The following MEGF9 variants were observed in gnomAD, a reference collection of about 807,000 sequenced individuals.
The protein encoded by MEGF9 is multiple epidermal growth factor-like domains protein 9.
A neutral mutation model predicts 46.8 loss-of-function variants in MEGF9; 6 were observed. That is an observed-to-expected ratio of 0.13 (90% CI 0.07 to 0.25). MEGF9 has a LOEUF of 0.25. Among genes scored for constraint, MEGF9 ranks in the 10% least tolerant of loss-of-function variants. The pLI is 1.00. For missense variants in MEGF9, 683 were observed against 792.4 expected, an observed-to-expected ratio of 0.86 and a Z score of 1.66; for synonymous variants, 302 against 330.7, an observed-to-expected ratio of 0.91 and a Z score of 0.94.
At chr9:120,655,244 C>T (rs1029281944) in intron 2 of MEGF9, among the ~76,000 whole-genome samples, 5 of 152,138 alleles carry the variant, frequency 3.3e-5, no homozygotes, top group African/African-American at 1.2e-4. Flanking sequence ...ATAGTAAGTA[C>T]CCTAGACAGG....
chr9:120,643,993 G>T (rs1157030876), intron 2 of MEGF9, among the ~76,000 whole-genome samples: 2 of 152,194 alleles, frequency 1.3e-5, no homozygotes, highest in East Asian at 3.8e-4. Flanking sequence ...GGGATAAGAG[G>T]TGTGAGGCAC....
At chr9:120,633,384 C>T (rs2043558895) in intron 2 of MEGF9, among the ~76,000 whole-genome samples, 1 of 152,092 alleles carries the variant, frequency 6.6e-6, no homozygotes, top group African/African-American at 2.4e-5. Flanking sequence ...TCTTGGCATA[C>T]AGTTGTTTGT....
chr9:120,605,079 A>C lies in MEGF9; in HGVS notation c.*111T>G. The C allele has an allele frequency of 9.5e-7, 1 of 1,050,326 alleles. No individual in the cohort carries two copies. Among genetic ancestry groups the C allele is most frequent in the Non-Finnish European group, 1.4e-6 (1 of 727,986 alleles). 65.1% of individuals were successfully genotyped at this position (1,050,326 alleles called of 1,614,324 possible). A position where few individuals can be genotyped will look rare whatever the true frequency, so the allele number is the denominator to read the frequency against. Reference sequence around the variant, plus strand: ...ATTTGTACCTGAAAATTTCAGATGCACTATTTGCCTTTGCTTTCTCAGCAA... The same window carrying C: ...ATTTGTACCTGAAAATTTCAGATGCCCTATTTGCCTTTGCTTTCTCAGCAA... On this transcript the variant is annotated 3_prime_UTR_variant, in exon 6 of 6. Transcript: ENST00000373930. This position sits in a 1 kb window ranked among gnomAD's most constrained non-coding sequence, Gnocchi z 4.0.
At chr9:120,633,545 CT>C (rs1263132350) in intron 2 of MEGF9, among the ~76,000 whole-genome samples, 2 of 151,894 alleles carry the variant, frequency 1.3e-5, no homozygotes, top group Non-Finnish European at 2.9e-5. Context: ...TCAAAGCCAA[CT>C]TTTTATTTAG....
intron 1 of MEGF9, among the ~76,000 whole-genome samples, chr9:120,681,742 T>C (rs2043799610): frequency 6.6e-6 from 1 of 152,208 alleles, no homozygotes; most frequent in Non-Finnish European, 1.5e-5. Context: ...TTCTTCAATT[T>C]ATATGGGCTT....
At chr9:120,618,944 C>A (rs10739570) in intron 3 of MEGF9, among the ~76,000 whole-genome samples, 1 of 151,812 alleles carries the variant, frequency 6.6e-6, no homozygotes, top group Non-Finnish European at 1.5e-5. Context: ...AATCTTTCCT[C>A]ATTTACAGGG....
intron 3 of MEGF9, among the ~76,000 whole-genome samples, chr9:120,618,174 CA>C (rs962832039): frequency 6.6e-6 from 1 of 152,090 alleles, no homozygotes; most frequent in Non-Finnish European, 1.5e-5. Flanking sequence ...AAATTAAATC[CA>C]GGGGACTGAA....
chr9:120,682,065 T>A (rs552036520), intron 1 of MEGF9, among the ~76,000 whole-genome samples: 1 of 152,202 alleles, frequency 6.6e-6, no homozygotes, highest in Non-Finnish European at 1.5e-5. Context: ...AAAACACCTA[T>A]GACAGTGGCC....
intron 2 of MEGF9, among the ~76,000 whole-genome samples, chr9:120,644,156 T>G (rs941650396): frequency 4.6e-5 from 7 of 152,248 alleles, no homozygotes; most frequent in Non-Finnish European, 1.0e-4. Context: ...ATCTAGGATA[T>G]TGTCTCGCAT....
At chr9:120,628,682 G>GT (rs769220031) in intron 2 of MEGF9, among the ~76,000 whole-genome samples, 1 of 151,740 alleles carries the variant, frequency 6.6e-6, no homozygotes, top group African/African-American at 2.4e-5. Flanking sequence ...CTTTTATAAT[G>GT]GACAGTGAGC....
chr9:120,612,906 T>C (rs929079377), intron 3 of MEGF9, among the ~76,000 whole-genome samples: 9 of 147,734 alleles, frequency 6.1e-5, no homozygotes, highest in African/African-American at 2.0e-4. Context: ...TAATCATACA[T>C]GCATGAACAT....
At chr9:120,669,034 T>C (rs1474927908) in intron 1 of MEGF9, among the ~76,000 whole-genome samples, 2 of 152,204 alleles carry the variant, frequency 1.3e-5, no homozygotes, top group Non-Finnish European at 2.9e-5. Flanking sequence ...GTACAAAATG[T>C]GGCTAATTCT....
chr9:120,609,529 T>C (rs550358754), intron 4 of MEGF9, among the ~76,000 whole-genome samples: 3 of 152,336 alleles, frequency 2.0e-5, no homozygotes, highest in Admixed American at 2.0e-4. Context: ...CGCCAATGTT[T>C]AGCACAGTGC....
In MEGF9 at chr9:120,674,493, T is replaced by C. The variant is rs189980784; in HGVS notation, c.602-14918A>G. On this transcript the variant is annotated intron_variant, in intron 1 of 5. Transcript: ENST00000373930. ...AAACTGTCAATACCAAATACCACAA[T>C]GCTGAGGAAGTAGAACTCTAGTACA... Among the ~76,000 whole-genome samples the C allele has an allele frequency of 5.3e-5, 8 of 152,160 alleles. No individual in the cohort carries two copies. The East Asian group carries it at 1.5e-3, about 29-fold the overall frequency.
chr9:120,704,879 G>A (rs1044573828), intron 1 of MEGF9, among the ~76,000 whole-genome samples: 3 of 152,086 alleles, frequency 2.0e-5, no homozygotes, highest in East Asian at 1.9e-4. Context: ...GTTTCTTAAC[G>A]AAATTAATTA....
intron 2 of MEGF9, among the ~76,000 whole-genome samples, chr9:120,635,518 T>TC (rs960405122): frequency 2.2e-4 from 33 of 152,228 alleles, no homozygotes; most frequent in Admixed American, 7.8e-4. Context: ...TATTTCTCTC[T>TC]CTTTTTTTTT....
chr9:120,678,078 T>C (rs2043781420), intron 1 of MEGF9, among the ~76,000 whole-genome samples: 1 of 152,206 alleles, frequency 6.6e-6, no homozygotes, highest in Non-Finnish European at 1.5e-5. Context: ...TAATTACCTC[T>C]AGTTGTTGTT....
intron 1 of MEGF9, among the ~76,000 whole-genome samples, chr9:120,711,287 A>G (rs2043951734): frequency 6.6e-6 from 1 of 152,242 alleles, no homozygotes; most frequent in African/African-American, 2.4e-5. Flanking sequence ...CTTACCCTGG[A>G]AAATGCAACT....
In MEGF9 at chr9:120,662,090, C is replaced by T. The variant is rs190059958; in HGVS notation, c.602-2515G>A. 2.6e-3 allele frequency among the ~76,000 whole-genome samples: 390 copies of T among 152,248 alleles called. 5 individuals carry two copies. The highest frequency in any genetic ancestry group is 0.023 in the Admixed American group (350 of 15,286). Reference sequence around the variant, plus strand: ...TCCATCTGAAAACTGAGTCAATGTTCCCAATGAGTAAGATTAGCAGTATCT... The same window carrying T: ...TCCATCTGAAAACTGAGTCAATGTTTCCAATGAGTAAGATTAGCAGTATCT... On this transcript the variant is annotated intron_variant, in intron 1 of 5. Coordinates refer to ENST00000373930, the MANE Select transcript of MEGF9 (RefSeq NM_001080497.3).
Sources: gnomAD v4.1 joint callset for allele counts (sites outside exome capture counted in the v4.1 genomes callset) on GRCh38, gnomAD v4.1.1 for gene constraint, Gnocchi (gnomAD v3.1) non-coding constraint, MANE v1.5 for transcripts, NCBI Gene and HGNC (gene_info 2026-07-23, HGNC 2026-07-21) for gene names.